The following PDE8B variants were observed in gnomAD, a reference collection of about 807,000 sequenced individuals.
The protein encoded by PDE8B is phosphodiesterase 8B.
In PDE8B, 26 loss-of-function variants were observed where a neutral mutation model predicts 101.3. The ratio of observed to expected loss-of-function variants is 0.26; its 90% CI spans 0.19 to 0.36. PDE8B has a LOEUF of 0.36. Among genes scored for constraint, PDE8B ranks in the 10% least tolerant of loss-of-function variants. PDE8B has a pLI of 1.00. For synonymous variants in PDE8B, 424 were observed against 429.3 expected (o/e 0.99, Z 0.15); for missense variants, 810 against 1,163.1 (o/e 0.70, Z 4.42).
intron 1 of PDE8B, among the ~76,000 whole-genome samples, chr5:77,261,551 A>G (rs1760580288): frequency 6.6e-6 from 1 of 152,254 alleles, no homozygotes; most frequent in South Asian, 2.1e-4. Context: ...ATTGATAGCT[A>G]GCAACCAGAC....
intron 2 of PDE8B, among the ~76,000 whole-genome samples, chr5:77,323,185 C>G (rs1368216155): frequency 6.6e-6 from 1 of 152,204 alleles, no homozygotes; most frequent in Non-Finnish European, 1.5e-5. Flanking sequence ...ATTCAGGCTT[C>G]CTTGTTAACA....
intron 1 of PDE8B, among the ~76,000 whole-genome samples, chr5:77,266,734 G>A (rs924891798): frequency 6.6e-6 from 1 of 152,168 alleles, no homozygotes; most frequent in Non-Finnish European, 1.5e-5. Flanking sequence ...GGGGTGACTT[G>A]ATAAAACATA....
At chr5:77,300,239 C>A (rs1228653658) in intron 1 of PDE8B, among the ~76,000 whole-genome samples, 2 of 152,178 alleles carry the variant, frequency 1.3e-5, no homozygotes, top group African/African-American at 4.8e-5. Flanking sequence ...CGTTACTCAG[C>A]CTGTTCTGTA....
At chr5:77,334,720 G>T (rs917046752) in intron 5 of PDE8B, among the ~76,000 whole-genome samples, 12 of 152,304 alleles carry the variant, frequency 7.9e-5, no homozygotes, top group Non-Finnish European at 1.6e-4. Flanking sequence ...ACTTGCCAGA[G>T]CTCACACTCA....
the PDE8B span, among the ~76,000 whole-genome samples, chr5:77,192,060 A>T: frequency 6.6e-6 from 1 of 152,156 alleles, no homozygotes; most frequent in Non-Finnish European, 1.5e-5. Context: ...TTCAAGTGGT[A>T]ATGTGAGTGA....
upstream of PDE8B, among the ~76,000 whole-genome samples, chr5:77,207,574 A>G (rs1365425970): frequency 6.6e-6 from 1 of 151,998 alleles, no homozygotes; most frequent in African/African-American, 2.4e-5. Context: ...TTATTCTGTA[A>G]CTTAGGCCTA....
chr5:77,165,376 A>G, the PDE8B span: 1 of 152,238 alleles, frequency 6.6e-6, no homozygotes, highest in African/African-American at 2.4e-5. Flanking sequence ...ATGAACCAGT[A>G]CAGGCCTGCT....
chr5:77,426,469 T>C lies in PDE8B; in HGVS notation c.2573T>C (p.Met858Thr), dbSNP rs1340482338. Reference protein sequence around the residue: ...WDAFAHLPALMQHLADNYKHW... With the variant: ...WDAFAHLPALTQHLADNYKHW... Reference sequence around the variant, plus strand: ...GCCTTTGCACATCTGCCAGCCCTGATGCAACATTTGGCTGACAACTACAAA... The same window carrying C: ...GCCTTTGCACATCTGCCAGCCCTGACGCAACATTTGGCTGACAACTACAAA... The change falls in exon 22 of 22, where the codon ATG becomes ACG. Residue 858 changes from methionine to threonine, a missense_variant. Coordinates refer to ENST00000264917, the MANE Select transcript of PDE8B (RefSeq NM_003719.5). 6.2e-7 allele frequency: 1 copy of C among 1,613,144 alleles called. No individual in the cohort carries two copies. The highest frequency in any genetic ancestry group is 1.7e-5 in the Admixed American group (1 of 60,004).
At chr5:77,215,843 G>A (rs995627382) in intron 1 of PDE8B, among the ~76,000 whole-genome samples, 10 of 152,240 alleles carry the variant, frequency 6.6e-5, no homozygotes, top group African/African-American at 2.2e-4. Flanking sequence ...AGGGGGCCAG[G>A]GAGCAGGTGG....
At chr5:77,396,768 A>C (rs1444993705) in intron 10 of PDE8B, among the ~76,000 whole-genome samples, 6 of 152,144 alleles carry the variant, frequency 3.9e-5, no homozygotes, top group Non-Finnish European at 8.8e-5. Context: ...TCTTTATCAA[A>C]ACACATCTTT....
chr5:77,425,043 C>A (rs1258842671), intron 20 of PDE8B, among the ~76,000 whole-genome samples: 1 of 152,152 alleles, frequency 6.6e-6, no homozygotes, highest in African/African-American at 2.4e-5. Flanking sequence ...ATGACTATGG[C>A]TATTAATACA....
At chr5:77,152,682 C>T in the PDE8B span, among the ~76,000 whole-genome samples, 68 of 152,300 alleles carry the variant, frequency 4.5e-4, no homozygotes, top group Admixed American at 1.4e-3. Context: ...CCTGGATGGG[C>T]AGCATGACGC....
At chr5:77,314,917 T>G (rs539051779) in intron 2 of PDE8B, among the ~76,000 whole-genome samples, 1 of 152,288 alleles carries the variant, frequency 6.6e-6, no homozygotes, top group African/African-American at 2.4e-5. Context: ...AAATTTGCAT[T>G]TCTCCATGAC....
the PDE8B span, among the ~76,000 whole-genome samples, chr5:77,200,471 C>T: frequency 2.0e-5 from 3 of 152,152 alleles, no homozygotes; most frequent in Non-Finnish European, 4.4e-5. Flanking sequence ...CCTTAGAAGT[C>T]CTTGGTTTTG....
intron 2 of PDE8B, 50 bp downstream of exon 2, chr5:77,312,103 T>TGC: frequency 7.8e-7 from 1 of 1,281,934 alleles, no homozygotes; most frequent in African/African-American, 2.0e-5. Context: ...TCTTTTTTTT[T>TGC]TCTTTTTTTT....
chr5:77,421,342 C>A (rs534799291), intron 19 of PDE8B, among the ~76,000 whole-genome samples: 3 of 152,190 alleles, frequency 2.0e-5, no homozygotes, highest in African/African-American at 7.2e-5. Context: ...AGATGGTAGG[C>A]ATAAGTAGTA....
rs539872173 is a variant in PDE8B at position 77,423,862 on chromosome 5, C to T, written c.2418+1874C>T. 8.0e-4 allele frequency among the ~76,000 whole-genome samples: 122 copies of T among 151,886 alleles called. No homozygotes were observed. The South Asian group carries it at 9.8e-3, about 12-fold the overall frequency. ...GTGTTGCCCAGGCTGGTCTCGAATT[C>T]CTGAGCTCAGGCAATCCGCCTGCCT... is the stretch of plus-strand genomic sequence containing the variant. On this transcript the variant is annotated intron_variant, in intron 20 of 21. Transcript: ENST00000264917.
intron 1 of PDE8B, among the ~76,000 whole-genome samples, chr5:77,299,456 T>C (rs1280631229): frequency 4.0e-5 from 5 of 124,418 alleles, no homozygotes; most frequent in Non-Finnish European, 7.9e-5. Flanking sequence ...CGGAGTGTGA[T>C]GTTCCCCTTC....
chr5:77,179,853 G>A, the PDE8B span, among the ~76,000 whole-genome samples: 1 of 152,090 alleles, frequency 6.6e-6, no homozygotes, highest in East Asian at 1.9e-4. Flanking sequence ...GAGCCACCGC[G>A]CCCAGGAGAT....
Sources: allele counts gnomAD v4.1 joint callset (sites outside exome capture counted in the v4.1 genomes callset), GRCh38; gene constraint gnomAD v4.1.1; transcripts MANE v1.5; gene names NCBI Gene and HGNC (gene_info 2026-07-23, HGNC 2026-07-21).